LVRN: variants seen among roughly 807,000 people sequenced by gnomAD.
LVRN encodes the protein aminopeptidase Q.
LVRN carries 99 observed loss-of-function variants against 111.4 expected under a neutral mutation model. The observed-to-expected ratio is 0.89, with a 90% CI of 0.76 to 1.05. The LOEUF is 1.05. Ranked by LOEUF, LVRN falls within the 50% of genes least tolerant of loss-of-function variation. The probability of loss-of-function intolerance (pLI) is 0.00; values close to 1 mark genes in which losing one functional copy is unlikely to be tolerated. For missense variants in LVRN, 1,414 were observed against 1,206.8 expected (o/e 1.17, Z -2.54); for synonymous variants, 488 against 449.5 (o/e 1.09, Z -1.08).
At chr5:115,965,024 G>T (rs911909900) in intron 1 of LVRN, among the ~76,000 whole-genome samples, 3 of 152,212 alleles carry the variant, frequency 2.0e-5, no homozygotes, top group Non-Finnish European at 2.9e-5. Context: ...AACCTGAGCT[G>T]TGTGAATTGA....
intron 19 of LVRN, among the ~76,000 whole-genome samples, chr5:116,025,073 C>T (rs1383280572): frequency 6.6e-6 from 1 of 152,172 alleles, no homozygotes; most frequent in East Asian, 1.9e-4. Flanking sequence ...CCCCTCCCAC[C>T]ACTACAGGAG....
At chr5:115,985,283 C>G (rs1339265272) in intron 3 of LVRN, among the ~76,000 whole-genome samples, 1 of 152,064 alleles carries the variant, frequency 6.6e-6, no homozygotes, top group African/African-American at 2.4e-5. Context: ...AGGAAGGAGG[C>G]AGACAAATCT....
At position 115,962,770 on chromosome 5, in the gene LVRN, C is replaced by T. The variant is rs1208806981; in HGVS notation, c.153C>T (p.Leu51=). Reference sequence around the variant, plus strand: ...TCCCACCGTCGGAGCTGCCTGGACTCAGGGACTTGGAAGCCGAGTCTTCCC... The same window carrying T: ...TCCCACCGTCGGAGCTGCCTGGACTTAGGGACTTGGAAGCCGAGTCTTCCC... ...ERVPPSELPG[L]RDLEAESSPP... The change falls in exon 1 of 20, where the codon CTC becomes CTT. Residue 51 remains leucine (L), a synonymous_variant. Coordinates refer to ENST00000357872, the MANE Select transcript of LVRN (RefSeq NM_173800.5). The T allele has an allele frequency of 1.9e-6, 3 of 1,611,574 alleles. No homozygotes were observed. The highest frequency in any genetic ancestry group is 1.7e-5 in the Admixed American group (1 of 59,934).
chr5:115,986,514 G>GTT (rs1747869108), intron 3 of LVRN, among the ~76,000 whole-genome samples: 4 of 152,182 alleles, frequency 2.6e-5, no homozygotes, highest in African/African-American at 9.6e-5. Context: ...AGAAAGTCAT[G>GTT]TTCTTAGCCA....
chr5:115,966,628 T>C (rs771702367), intron 1 of LVRN, among the ~76,000 whole-genome samples: 2 of 152,246 alleles, frequency 1.3e-5, no homozygotes, highest in Non-Finnish European at 2.9e-5. Flanking sequence ...TACAGGTTTT[T>C]GTGTGAACAC....
Position 116,026,516 on chromosome 5 carries a change from G to A in LVRN, c.*398G>A. On this transcript the variant is annotated 3_prime_UTR_variant, in exon 20 of 20. Coordinates refer to ENST00000357872, the MANE Select transcript of LVRN (RefSeq NM_173800.5). ...AATAACAGTTTTTCCAGGCCCTAGGGTTTATTTAGTTCAACATTGAAGATT... is the reference window on the plus strand; with the variant it reads ...AATAACAGTTTTTCCAGGCCCTAGGATTTATTTAGTTCAACATTGAAGATT... 4.0e-6 allele frequency: 1 copy of A among 250,408 alleles called. No homozygotes were observed. Among genetic ancestry groups the A allele is most frequent in the East Asian group, 1.3e-4 (1 of 7,528 alleles). The allele number at this position is 250,408 out of a possible 1,614,324, so 15.5% of individuals were successfully genotyped here.
At chr5:115,978,439 C>T (rs1044193160) in intron 1 of LVRN, among the ~76,000 whole-genome samples, 19 of 152,066 alleles carry the variant, frequency 1.2e-4, no homozygotes, top group African/African-American at 3.6e-4. Flanking sequence ...TTCCATTGTC[C>T]TTTTACAGTG....
intron 1 of LVRN, among the ~76,000 whole-genome samples, chr5:115,981,886 G>T (rs1185510607): frequency 2.0e-5 from 3 of 151,980 alleles, no homozygotes; most frequent in Non-Finnish European, 4.4e-5. Flanking sequence ...GTGATTTATT[G>T]GTAAATGTAA....
At chr5:115,994,151 A>G (rs1251264910) in intron 6 of LVRN, among the ~76,000 whole-genome samples, 1 of 152,094 alleles carries the variant, frequency 6.6e-6, no homozygotes. Context: ...GAGTATTTCT[A>G]CAAATCATTA....
intron 5 of LVRN, among the ~76,000 whole-genome samples, chr5:115,993,100 T>C (rs747276204): frequency 9.9e-5 from 15 of 152,224 alleles, no homozygotes; most frequent in South Asian, 2.1e-4. Flanking sequence ...TTAGTAATTA[T>C]AGCTGTTATA....
rs7735095 is a variant in LVRN at position 116,026,346 on chromosome 5, A to G, written c.*228A>G. The G allele has an allele frequency of 1.4e-3, 734 of 539,604 alleles. 7 individuals are homozygous for G. The highest frequency in any genetic ancestry group is 0.013 in the African/African-American group (701 of 52,524). 33.4% of individuals were successfully genotyped at this position (539,604 alleles called of 1,614,324 possible). Reference sequence around the variant, plus strand: ...GTATTTCTGGGAAAGATGTCACTTCATGTTGGGTTATAATCCCACAGAATT... The same window carrying G: ...GTATTTCTGGGAAAGATGTCACTTCGTGTTGGGTTATAATCCCACAGAATT... On this transcript the variant is annotated 3_prime_UTR_variant, in exon 20 of 20. Transcript: ENST00000357872.
At chr5:115,997,803 T>C (rs1445697004) in intron 6 of LVRN, among the ~76,000 whole-genome samples, 1 of 152,156 alleles carries the variant, frequency 6.6e-6, no homozygotes, top group Non-Finnish European at 1.5e-5. Flanking sequence ...TGACATCATG[T>C]TTTATGTAGT....
rs561302618 is a variant in LVRN at position 115,972,732 on chromosome 5, G to T, written c.695+9420G>T. Among the ~76,000 whole-genome samples the T allele has an allele frequency of 1.4e-3, 213 of 151,532 alleles. 1 individual carries two copies. The highest frequency in any genetic ancestry group is 4.0e-3 in the African/African-American group (166 of 41,342). On this transcript the variant is annotated intron_variant, in intron 1 of 19. Coordinates refer to ENST00000357872, the MANE Select transcript of LVRN (RefSeq NM_173800.5). ...TATTAATTATGATTTTTCCTATAAG[G>T]TTTTTTTTGGTAGATTCTTTTCATT...
chr5:115,977,041 C>T (rs978520896), intron 1 of LVRN, among the ~76,000 whole-genome samples: 6 of 152,200 alleles, frequency 3.9e-5, no homozygotes, highest in East Asian at 1.9e-4. Flanking sequence ...AAAATTCCAA[C>T]AACTCCAAAC....
At chr5:116,023,595 A>G (rs1748801893) in intron 19 of LVRN, 1 of 152,282 alleles carries the variant, frequency 6.6e-6, no homozygotes, top group Non-Finnish European at 1.5e-5. Context: ...AGTCACTGGC[A>G]CTGGGAAGGG....
chr5:116,010,716 G>A (rs767506363), intron 13 of LVRN, 25 bp from the exon 14 acceptor site: 7 of 1,572,580 alleles, frequency 4.5e-6, no homozygotes, highest in African/African-American at 1.4e-5. Flanking sequence ...GGTTTTTTGA[G>A]TGTGTGTGTT....
intron 4 of LVRN, among the ~76,000 whole-genome samples, chr5:115,991,095 C>T (rs750366238): frequency 3.3e-5 from 5 of 152,102 alleles, no homozygotes; most frequent in South Asian, 2.1e-4. Flanking sequence ...TTGCATTGTA[C>T]AGCAATATGG....
intron 18 of LVRN, among the ~76,000 whole-genome samples, chr5:116,016,423 C>T (rs1331665563): frequency 6.6e-6 from 1 of 152,012 alleles, no homozygotes; most frequent in Non-Finnish European, 1.5e-5. Context: ...AATCCTTATG[C>T]CAAATTAAAT....
chr5:115,991,518 T>G (rs1314494483), intron 4 of LVRN, among the ~76,000 whole-genome samples: 1 of 152,150 alleles, frequency 6.6e-6, no homozygotes, highest in Non-Finnish European at 1.5e-5. Flanking sequence ...TGTGTGCAGG[T>G]TTTTGGGTGG....
Sources: allele counts gnomAD v4.1 joint callset (sites outside exome capture counted in the v4.1 genomes callset), GRCh38; gene constraint gnomAD v4.1.1; transcripts MANE v1.5; gene names NCBI Gene and HGNC (gene_info 2026-07-23, HGNC 2026-07-21).